Variants in SNX29 observed in about 807,000 individuals in gnomAD.
The protein encoded by SNX29 is sorting nexin 29.
Under a neutral mutation model 102.1 loss-of-function variants are expected in SNX29, and 78 were observed. The observed-to-expected ratio is 0.76, with a 90% CI of 0.64 to 0.92. The LOEUF is 0.92. SNX29 is among the 40% of genes least tolerant of loss of function. The probability of loss-of-function intolerance (pLI) is 0.00; values close to 1 mark genes in which losing one functional copy is unlikely to be tolerated. For missense variants in SNX29, 1,280 were observed against 1,061.7 expected (o/e 1.21, Z -2.86); for synonymous variants, 580 against 414.5 (o/e 1.40, Z -4.85).
At chr16:12,338,279 A>G (rs938986930) in intron 15 of SNX29, among the ~76,000 whole-genome samples, 1 of 152,154 alleles carries the variant, frequency 6.6e-6, no homozygotes, top group Non-Finnish European at 1.5e-5. Flanking sequence ...GAGGCAACTC[A>G]TGAGCCGTGG....
intron 4 of SNX29, among the ~76,000 whole-genome samples, chr16:12,029,415 G>C (rs1301875438): frequency 6.8e-6 from 1 of 146,330 alleles, no homozygotes; most frequent in African/African-American, 2.5e-5. Flanking sequence ...TTAATGAAAA[G>C]TGACCCAGAG....
chr16:12,393,005 T>A (rs1040487953), intron 16 of SNX29, among the ~76,000 whole-genome samples: 1 of 152,184 alleles, frequency 6.6e-6, no homozygotes, highest in South Asian at 2.1e-4. Flanking sequence ...AAAGATGAGA[T>A]GAGAAAGCAA....
chr16:12,336,515 T>A (rs933244273), intron 15 of SNX29, among the ~76,000 whole-genome samples: 1 of 152,234 alleles, frequency 6.6e-6, no homozygotes, highest in Non-Finnish European at 1.5e-5. Flanking sequence ...GAAAAGATAT[T>A]GGAATACTGT....
intron 20 of SNX29, among the ~76,000 whole-genome samples, chr16:12,549,305 G>C (rs1188033226): frequency 6.6e-6 from 1 of 152,116 alleles, no homozygotes; most frequent in Admixed American, 6.5e-5. Flanking sequence ...AACCAGCCTG[G>C]TCAATATGAC....
intron 18 of SNX29, among the ~76,000 whole-genome samples, chr16:12,448,293 TC>T (rs2086153037): frequency 6.6e-6 from 1 of 152,090 alleles, no homozygotes; most frequent in South Asian, 2.1e-4. Context: ...CTTCCCTGAA[TC>T]CCCTTCCTCA....
intron 19 of SNX29, among the ~76,000 whole-genome samples, chr16:12,519,722 C>G (rs150639192): frequency 9.4e-4 from 143 of 152,336 alleles, no homozygotes; most frequent in Admixed American, 2.2e-3. Flanking sequence ...TCCGTGATGT[C>G]TCACACCTGT....
intron 11 of SNX29, among the ~76,000 whole-genome samples, chr16:12,082,368 AC>A (rs2051944887): frequency 6.6e-6 from 1 of 152,090 alleles, no homozygotes; most frequent in Non-Finnish European, 1.5e-5. Flanking sequence ...TCTCAGATAA[AC>A]ACGGTTTGCT....
At chr16:12,209,676 C>T (rs545757127) in intron 14 of SNX29, among the ~76,000 whole-genome samples, 1 of 152,306 alleles carries the variant, frequency 6.6e-6, no homozygotes, top group South Asian at 2.1e-4. Context: ...TCATCAGGAC[C>T]ACTTAGGAGA....
At chr16:12,320,272 G>C (rs1204031044) in intron 15 of SNX29, among the ~76,000 whole-genome samples, 1 of 152,172 alleles carries the variant, frequency 6.6e-6, no homozygotes, top group Non-Finnish European at 1.5e-5. Context: ...AGCAGGCAGA[G>C]AGGGCACAGC....
At chr16:12,073,293 T>G (rs1005816458) in intron 10 of SNX29, among the ~76,000 whole-genome samples, 2 of 152,234 alleles carry the variant, frequency 1.3e-5, no homozygotes, top group African/African-American at 4.8e-5. Flanking sequence ...TTTCCTGCTT[T>G]CTCTTGTGGG....
intron 11 of SNX29, among the ~76,000 whole-genome samples, chr16:12,105,223 CCCTCCCTTCCTT>C (rs1341189000): frequency 1.8e-5 from 2 of 110,230 alleles, no homozygotes; most frequent in African/African-American, 6.1e-5. Context: ...CTCCCTCCCT[CCCTCCCTTCCTT>C]CCTTCCTTCC....
At chr16:12,000,736 G>T (rs2056258254) in intron 2 of SNX29, among the ~76,000 whole-genome samples, 1 of 152,096 alleles carries the variant, frequency 6.6e-6, no homozygotes, top group Non-Finnish European at 1.5e-5. Flanking sequence ...CAGTATCTAC[G>T]CAAGCCTTGA....
intron 1 of SNX29, among the ~76,000 whole-genome samples, chr16:11,979,275 CA>C (rs71139569): frequency 1.8e-4 from 11 of 61,998 alleles, no homozygotes; most frequent in African/African-American, 5.2e-4. Context: ...ACTCAGTCTC[CA>C]AAAAAAAAAA....
chr16:12,567,937 C>T (rs575381255), intron 20 of SNX29, among the ~76,000 whole-genome samples: 6 of 152,310 alleles, frequency 3.9e-5, no homozygotes, highest in South Asian at 2.1e-4. Context: ...GTTCGCGTTG[C>T]TTCAGAACCA....
intron 13 of SNX29, among the ~76,000 whole-genome samples, chr16:12,190,052 TTAAC>T (rs1464586968): frequency 6.6e-6 from 1 of 152,208 alleles, no homozygotes; most frequent in Non-Finnish European, 1.5e-5. Flanking sequence ...CCCTTGTAAG[TTAAC>T]TAATCTCTGA....
At position 12,160,470 on chromosome 16, in the gene SNX29, A is replaced by G. The variant is rs998551016; in HGVS notation, c.1595+30712A>G. Reference sequence around the variant, plus strand: ...AATGATTTAAAAATAACTTGGTGTTATTATATCATTCCATTCCTGTGAAAC... The same window carrying G: ...AATGATTTAAAAATAACTTGGTGTTGTTATATCATTCCATTCCTGTGAAAC... On this transcript the variant is annotated intron_variant, in intron 13 of 20. Coordinates refer to ENST00000566228, the MANE Select transcript of SNX29 (RefSeq NM_032167.5). Among the ~76,000 whole-genome samples the G allele has an allele frequency of 3.9e-5, 6 of 152,322 alleles. No homozygotes were observed. The East Asian group carries it at 1.2e-3, about 29-fold the overall frequency.
intron 20 of SNX29, among the ~76,000 whole-genome samples, chr16:12,551,142 A>T (rs889052763): frequency 9.2e-5 from 14 of 152,164 alleles, no homozygotes; most frequent in South Asian, 2.1e-4. Flanking sequence ...CACAGCTGCC[A>T]GGAGAATCTC....
chr16:12,519,278 C>T (rs868300840), intron 19 of SNX29, among the ~76,000 whole-genome samples: 9 of 152,176 alleles, frequency 5.9e-5, no homozygotes, highest in Non-Finnish European at 7.3e-5. Context: ...CACCATGTCC[C>T]CCAAAAGGTC....
intron 16 of SNX29, among the ~76,000 whole-genome samples, chr16:12,377,991 T>C (rs1021084979): frequency 3.9e-5 from 6 of 152,198 alleles, no homozygotes; most frequent in African/African-American, 1.2e-4. Flanking sequence ...TTTGGGATCA[T>C]GGTTTTTGTA....
Sources: allele counts gnomAD v4.1 joint callset (sites outside exome capture counted in the v4.1 genomes callset), GRCh38; gene constraint gnomAD v4.1.1; transcripts MANE v1.5; gene names NCBI Gene and HGNC (gene_info 2026-07-23, HGNC 2026-07-21).